The following FUBP3 variants were observed in gnomAD, a reference collection of about 807,000 sequenced individuals.
FUBP3 encodes the protein far upstream element binding protein 3.
Under a neutral mutation model 85.6 loss-of-function variants are expected in FUBP3, and 28 were observed. That is an observed-to-expected ratio of 0.33 (90% confidence interval 0.24 to 0.45). The LOEUF is 0.45. Among genes scored for constraint, FUBP3 ranks in the 20% least tolerant of loss-of-function variants. The pLI is 1.00. For missense variants in FUBP3, 583 were observed against 755.1 expected, an observed-to-expected ratio of 0.77 and a Z score of 2.67; for synonymous variants, 271 against 271.4, an observed-to-expected ratio of 1.00 and a Z score of 0.01.
Position 130,626,556 on chromosome 9 carries a change from G to A in FUBP3, c.1117+51G>A, listed in dbSNP as rs181944310. ...CCCCCCTCAGCTGTTTGGCTTGAGGGAAGGCAGGTCACGGGACCTCCAGAA... is the reference window on the plus strand; with the variant it reads ...CCCCCCTCAGCTGTTTGGCTTGAGGAAAGGCAGGTCACGGGACCTCCAGAA... On this transcript the variant is annotated intron_variant, in intron 12 of 18. Coordinates refer to ENST00000319725, the MANE Select transcript of FUBP3 (RefSeq NM_003934.2). 2,040 of 1,590,908 alleles carry A rather than the reference G, an allele frequency of 1.3e-3. 24 individuals are homozygous for A. Among genetic ancestry groups the A allele is most frequent in the Non-Finnish European group, 1.6e-4 (189 of 1,161,550 alleles).
At chr9:130,588,421 GT>G (rs1830445159) in intron 1 of FUBP3, among the ~76,000 whole-genome samples, 1 of 152,156 alleles carries the variant, frequency 6.6e-6, no homozygotes, top group African/African-American at 2.4e-5. Context: ...TCCTGGTGAT[GT>G]TTCTTGATCT....
At chr9:130,601,122 A>G (rs917195087) in intron 2 of FUBP3, among the ~76,000 whole-genome samples, 6 of 152,220 alleles carry the variant, frequency 3.9e-5, no homozygotes, top group Non-Finnish European at 7.3e-5. Context: ...CTGGCCCTCA[A>G]GCTTAATTTG....
In FUBP3 at chr9:130,617,967, A is replaced by G. The variant is rs538905254; in HGVS notation, c.666+72A>G. On this transcript the variant is annotated intron_variant, in intron 8 of 18. Transcript: ENST00000319725. ...CACTCGGTGGTACCCTAGAGCTTTT[A>G]TCTTCCTCAAGTAATTGTGAAACTG... is the stretch of plus-strand genomic sequence containing the variant. 1.5e-4 allele frequency: 100 copies of G among 683,564 alleles called. No individual in the cohort carries two copies. The African/African-American group carries it at 1.7e-3, about 12-fold the overall frequency. The allele number at this position is 683,564 out of a possible 1,614,324, so 42.3% of individuals were successfully genotyped here. A position where few individuals can be genotyped will look rare whatever the true frequency, so the allele number is the denominator to read the frequency against.
chr9:130,621,245 A>G (rs1266542076), intron 9 of FUBP3, among the ~76,000 whole-genome samples: 1 of 152,094 alleles, frequency 6.6e-6, no homozygotes, highest in Non-Finnish European at 1.5e-5. Context: ...GTGCTTTGAG[A>G]GGCTTAGGCA....
rs186207334 is a variant in FUBP3 at position 130,612,622 on chromosome 9, C to T, written c.274+117C>T. 3.4e-5 allele frequency: 25 copies of T among 737,452 alleles called. 1 individual carries two copies. The Admixed American group carries it at 5.4e-4, about 16-fold the overall frequency. 45.7% of individuals were successfully genotyped at this position (737,452 alleles called of 1,614,324 possible). A position where few individuals can be genotyped will look rare whatever the true frequency, so the allele number is the denominator to read the frequency against. ...GTTTTAATCTCTCTTGTGAGTATCACCTGTAGTAGAATGCTTTGCACATGC... is the reference window on the plus strand; with the variant it reads ...GTTTTAATCTCTCTTGTGAGTATCATCTGTAGTAGAATGCTTTGCACATGC... On this transcript the variant is annotated intron_variant, in intron 4 of 18. Coordinates refer to ENST00000319725, the MANE Select transcript of FUBP3 (RefSeq NM_003934.2). This position sits in a 1 kb window ranked among gnomAD's most constrained non-coding sequence, Gnocchi z 4.1.
intron 8 of FUBP3, 145 bp downstream of exon 8, chr9:130,618,040 G>A: frequency 1.8e-6 from 1 of 544,724 alleles, no homozygotes; most frequent in Non-Finnish European, 3.3e-6. Context: ...GTTTGGTGAT[G>A]AAAAGAATCT....
chr9:130,581,717 A>T (rs542082622), intron 1 of FUBP3: 1 of 152,348 alleles, frequency 6.6e-6, no homozygotes, highest in Middle Eastern at 3.4e-3. Flanking sequence ...CAGAACTAAA[A>T]GACAGTATAT....
chr9:130,635,664 TCCCCCA>T lies in FUBP3; in HGVS notation c.1583-324_1583-319del, dbSNP rs1490930344. On this transcript the variant is annotated intron_variant, in intron 17 of 18. Transcript: ENST00000319725. This position sits in a 1 kb window ranked among gnomAD's most constrained non-coding sequence, Gnocchi z 4.3. ...GCACCCAAGTTAGGTACTCCCCTTC[TCCCCCA>T]CCCCCACCCCAGGATCCCCCCTTCT... 1.3e-5 allele frequency among the ~76,000 whole-genome samples: 2 copies of T among 151,640 alleles called. No individual in the cohort carries two copies. Among genetic ancestry groups the T allele is most frequent in the African/African-American group, 2.4e-5 (1 of 41,346 alleles).
chr9:130,584,078 C>T (rs1269245009), intron 1 of FUBP3, among the ~76,000 whole-genome samples: 1 of 152,054 alleles, frequency 6.6e-6, no homozygotes, highest in Admixed American at 6.5e-5. Flanking sequence ...ATGTGTATTA[C>T]CAAACTTTGG....
chr9:130,598,735 T>G (rs890457197), intron 2 of FUBP3, among the ~76,000 whole-genome samples: 1 of 152,214 alleles, frequency 6.6e-6, no homozygotes, highest in Non-Finnish European at 1.5e-5. Context: ...TGTTTTGTGG[T>G]CATAAACACT....
intron 18 of FUBP3, 136 bp downstream of exon 18, chr9:130,636,262 G>C (rs1297019850): frequency 1.1e-6 from 1 of 877,522 alleles, no homozygotes; most frequent in Non-Finnish European, 1.8e-6. Context: ...CCTCAGCGAG[G>C]CTGCTTCTGC....
At chr9:130,622,320 CAAAAAAAAAAAAA>C (rs917479721) in intron 9 of FUBP3, among the ~76,000 whole-genome samples, 66 of 44,350 alleles carry the variant, frequency 1.5e-3, no homozygotes, top group African/African-American at 5.1e-3. Context: ...ACTCCATCTC[CAAAAAAAAAAAAA>C]AAAAAAAAAG....
intron 2 of FUBP3, among the ~76,000 whole-genome samples, chr9:130,606,732 A>G (rs1194080583): frequency 6.6e-6 from 1 of 152,044 alleles, no homozygotes; most frequent in Admixed American, 6.6e-5. Flanking sequence ...AGGTAGGAGA[A>G]TCGCTTGAAC....
intron 1 of FUBP3, among the ~76,000 whole-genome samples, chr9:130,592,535 T>G (rs1208365627): frequency 6.6e-6 from 1 of 152,114 alleles, no homozygotes; most frequent in Non-Finnish European, 1.5e-5. Context: ...CAAGGGGATC[T>G]TGTTTGTTGT....
chr9:130,587,205 C>T (rs1830390373), intron 1 of FUBP3, among the ~76,000 whole-genome samples: 2 of 152,034 alleles, frequency 1.3e-5, no homozygotes, highest in African/African-American at 2.4e-5. Context: ...GCTGGGACTG[C>T]AGGCGTGCAC....
At position 130,638,350 on chromosome 9, in the gene FUBP3, G is replaced by A. The variant is rs1289686497; in HGVS notation, c.*1328G>A. On this transcript the variant is annotated 3_prime_UTR_variant, in exon 19 of 19. Coordinates refer to ENST00000319725, the MANE Select transcript of FUBP3 (RefSeq NM_003934.2). The stretch of plus-strand genomic sequence containing the variant: ...CTCCACAAGGCATCTTGTGGGCAAA[G>A]TCTTTCTGGCCTGTTTGCTTTCCAT... 3 of 152,672 alleles carry A rather than the reference G, an allele frequency of 2.0e-5. No individual in the cohort carries two copies. The South Asian group carries it at 6.2e-4, about 32-fold the overall frequency. 9.5% of individuals were successfully genotyped at this position (152,672 alleles called of 1,614,324 possible).
chr9:130,589,675 GTATATATATATATATA>G (rs1170568300), intron 1 of FUBP3, among the ~76,000 whole-genome samples: 7 of 34,312 alleles, frequency 2.0e-4, no homozygotes, highest in Admixed American at 4.8e-4. Flanking sequence ...GTATGTGTGT[GTATATATATATATATA>G]TATATATATA....
Position 130,615,900 on chromosome 9 carries a change from T to C in FUBP3, c.405-455T>C, listed in dbSNP as rs913993747. Among the ~76,000 whole-genome samples, 5 of 152,338 alleles carry C rather than the reference T, an allele frequency of 3.3e-5. No individual in the cohort carries two copies. The East Asian group carries it at 9.6e-4, about 29-fold the overall frequency. On this transcript the variant is annotated intron_variant, in intron 6 of 18. Coordinates refer to ENST00000319725, the MANE Select transcript of FUBP3 (RefSeq NM_003934.2). ...ACAGTGAGTACTAATCCTTGCTTGC[T>C]TTCTTCCCATCTTTCTCATTGCTGG...
At chr9:130,604,004 T>C (rs1831297478) in intron 2 of FUBP3, among the ~76,000 whole-genome samples, 1 of 152,200 alleles carries the variant, frequency 6.6e-6, no homozygotes, top group African/African-American at 2.4e-5. Context: ...CTTCAACTGA[T>C]GAATGGTTCT....
Sources: allele counts gnomAD v4.1 joint callset (sites outside exome capture counted in the v4.1 genomes callset), GRCh38; gene constraint gnomAD v4.1.1; non-coding constraint Gnocchi (gnomAD v3.1); transcripts MANE v1.5; gene names NCBI Gene and HGNC (gene_info 2026-07-23, HGNC 2026-07-21).